Variants in DNM3 observed in about 807,000 individuals in gnomAD.
DNM3 encodes the protein dynamin 3.
Under a neutral mutation model 101.6 loss-of-function variants are expected in DNM3, and 47 were observed. The ratio of observed to expected loss-of-function variants is 0.46; its 90% CI spans 0.37 to 0.59. DNM3 has a LOEUF of 0.59. Ranked by LOEUF, DNM3 falls within the 20% of genes least tolerant of loss-of-function variation. The pLI is 0.00. For synonymous variants in DNM3, 385 were observed against 387.9 expected, an observed-to-expected ratio of 0.99 and a Z score of 0.09; for missense variants, 849 against 1,085.7, an observed-to-expected ratio of 0.78 and a Z score of 3.06.
chr1:171,876,543 C>T (rs2035800948), intron 1 of DNM3, among the ~76,000 whole-genome samples: 1 of 152,300 alleles, frequency 6.6e-6, no homozygotes, highest in East Asian at 1.9e-4. Context: ...AGCACCTATA[C>T]ATGTTGTGGC....
chr1:172,175,742 T>C (rs745614829), intron 14 of DNM3, among the ~76,000 whole-genome samples: 1 of 151,834 alleles, frequency 6.6e-6, no homozygotes, highest in Non-Finnish European at 1.5e-5. Context: ...GAATTTTACA[T>C]TGAATATTAG....
chr1:172,354,110 T>TGAGA (rs1445200263), intron 17 of DNM3, among the ~76,000 whole-genome samples: 23 of 52,580 alleles, frequency 4.4e-4, no homozygotes, highest in Admixed American at 1.1e-3. Flanking sequence ...TGTGTGTGTG[T>TGAGA]GTGAGAGAGA....
At chr1:172,050,389 C>CT (rs1481857705) in intron 10 of DNM3, among the ~76,000 whole-genome samples, 2 of 152,184 alleles carry the variant, frequency 1.3e-5, no homozygotes, top group Non-Finnish European at 2.9e-5. Flanking sequence ...ATCCTGTCTT[C>CT]TTTACAAGGG....
rs140892782 is a variant in DNM3 at position 172,412,455 on chromosome 1, T to G, written c.*4614T>G. The stretch of plus-strand genomic sequence containing the variant: ...TTACTTTCCCTTTTTTGGGTCAAAT[T>G]TTTCTTTTGCTTTGTTTGAAGAAGG... On this transcript the variant is annotated 3_prime_UTR_variant, in exon 21 of 21. Transcript: ENST00000627582. 5.2e-4 allele frequency: 514 copies of G among 985,820 alleles called. 4 individuals carry two copies. The African/African-American group carries it at 8.1e-3, about 15-fold the overall frequency. The allele number at this position is 985,820 out of a possible 1,614,324, so 61.1% of individuals were successfully genotyped here.
intron 15 of DNM3, among the ~76,000 whole-genome samples, chr1:172,268,871 C>T (rs540632176): frequency 1.5e-4 from 23 of 152,226 alleles, no homozygotes; most frequent in Admixed American, 1.2e-3. Context: ...CAAGTTAGTG[C>T]TTTTCAACGT....
At chr1:171,996,530 C>T (rs989788807) in intron 4 of DNM3, among the ~76,000 whole-genome samples, 18 of 152,024 alleles carry the variant, frequency 1.2e-4, no homozygotes, top group Admixed American at 1.3e-4. Context: ...CTTCATCAGA[C>T]CATTCCTCTG....
intron 2 of DNM3, among the ~76,000 whole-genome samples, chr1:171,934,831 C>T (rs1389377292): frequency 1.3e-5 from 2 of 152,176 alleles, no homozygotes; most frequent in Non-Finnish European, 2.9e-5. Flanking sequence ...ATGTGGGAAA[C>T]TAAAATGATG....
intron 1 of DNM3, among the ~76,000 whole-genome samples, chr1:171,847,896 CTGTG>C (rs752990905): frequency 0.025 from 3,594 of 141,188 alleles, 65 homozygotes; most frequent in African/African-American, 0.047. Context: ...CTCTCTCTCT[CTGTG>C]TGTGTGTGTG....
At chr1:172,167,627 T>C (rs2148327141) in intron 14 of DNM3, among the ~76,000 whole-genome samples, 1 of 152,222 alleles carries the variant, frequency 6.6e-6, no homozygotes, top group East Asian at 1.9e-4. Context: ...TGGTATGAGA[T>C]GGTATCTCAT....
At chr1:171,918,975 T>G (rs2125311399) in intron 1 of DNM3, among the ~76,000 whole-genome samples, 1 of 152,302 alleles carries the variant, frequency 6.6e-6, no homozygotes, top group African/African-American at 2.4e-5. Flanking sequence ...TTCTTTCTTC[T>G]CTCTGTCCTT....
chr1:171,934,956 A>G (rs569429363), intron 2 of DNM3, among the ~76,000 whole-genome samples: 1 of 152,284 alleles, frequency 6.6e-6, no homozygotes, highest in African/African-American at 2.4e-5. Flanking sequence ...TCCTTTTAGA[A>G]TAAGAGACCC....
rs143790997 is a variant in DNM3 at position 171,879,975 on chromosome 1, G to A, written c.161+38158G>A. Among the ~76,000 whole-genome samples, 1,016 of 152,330 alleles carry A rather than the reference G, an allele frequency of 6.7e-3. 8 individuals are homozygous for A. The highest frequency in any genetic ancestry group is 0.011 in the Non-Finnish European group (728 of 68,020). ...TGGTGAAACCCAAATTGGAATTCAA[G>A]TCTTATGGAAGTGCATCTTAATGGT... is the stretch of plus-strand genomic sequence containing the variant. On this transcript the variant is annotated intron_variant, in intron 1 of 20. Coordinates refer to ENST00000627582, the MANE Select transcript of DNM3 (RefSeq NM_015569.5).
Position 172,312,397 on chromosome 1 carries a change from G to A in DNM3, c.1881+3558G>A, listed in dbSNP as rs74124048. The stretch of plus-strand genomic sequence containing the variant: ...TCTATATAGATCATTTTTAAAAATT[G>A]TGTAAGTTTGACATCATTAGATAAA... On this transcript the variant is annotated intron_variant, in intron 16 of 20. Coordinates refer to ENST00000627582, the MANE Select transcript of DNM3 (RefSeq NM_015569.5). Among the ~76,000 whole-genome samples the A allele has an allele frequency of 6.4e-3, 980 of 152,276 alleles. 8 individuals are homozygous for A. Among genetic ancestry groups the A allele is most frequent in the African/African-American group, 0.022 (928 of 41,548 alleles).
intron 15 of DNM3, among the ~76,000 whole-genome samples, chr1:172,266,947 A>G (rs372540420): frequency 6.6e-5 from 10 of 152,190 alleles, no homozygotes; most frequent in African/African-American, 1.9e-4. Flanking sequence ...ATCCCACTAG[A>G]TATGAGACCA....
chr1:172,191,223 C>G (rs1488411793), intron 14 of DNM3, among the ~76,000 whole-genome samples: 1 of 152,166 alleles, frequency 6.6e-6, no homozygotes, highest in Non-Finnish European at 1.5e-5. Flanking sequence ...CCAGTTTCAG[C>G]TTTCTACCTA....
At chr1:172,359,744 T>G (rs992918288) in intron 17 of DNM3, among the ~76,000 whole-genome samples, 1 of 152,058 alleles carries the variant, frequency 6.6e-6, no homozygotes, top group Non-Finnish European at 1.5e-5. Context: ...TGCACGTTTC[T>G]TATGACTGGG....
intron 14 of DNM3, among the ~76,000 whole-genome samples, chr1:172,154,519 A>C (rs780814561): frequency 5.9e-5 from 9 of 152,162 alleles, no homozygotes; most frequent in Non-Finnish European, 1.0e-4. Flanking sequence ...AATTCACTAC[A>C]TAAAGAAATC....
intron 13 of DNM3, among the ~76,000 whole-genome samples, chr1:172,101,941 C>G (rs2054674987): frequency 6.6e-6 from 1 of 151,990 alleles, no homozygotes; most frequent in African/African-American, 2.4e-5. Flanking sequence ...TCACCGCAAT[C>G]TCTGCCTCCC....
At position 172,323,352 on chromosome 1, in the gene DNM3, G is replaced by A; in HGVS notation, c.1893+12G>A. 6.2e-7 allele frequency: 1 copy of A among 1,605,932 alleles called. No individual in the cohort carries two copies. The highest frequency in any genetic ancestry group is 8.5e-7 in the Non-Finnish European group (1 of 1,176,060). On this transcript the variant is annotated intron_variant, in intron 17 of 20. Coordinates refer to ENST00000627582, the MANE Select transcript of DNM3 (RefSeq NM_015569.5). The stretch of plus-strand genomic sequence containing the variant: ...AGGGGAACAACAAAGTAAGTTATTT[G>A]TCCTCTTGCAGCTCTTCTGTCCCCC...
Sources: gnomAD v4.1 joint callset for allele counts (sites outside exome capture counted in the v4.1 genomes callset) on GRCh38, gnomAD v4.1.1 for gene constraint, MANE v1.5 for transcripts, NCBI Gene and HGNC (gene_info 2026-07-23, HGNC 2026-07-21) for gene names.